Variants in TMEM138 observed in about 807,000 individuals in gnomAD.
TMEM138 encodes the protein transmembrane protein 138.
A neutral mutation model predicts 18.1 loss-of-function variants in TMEM138; 9 were observed. The observed-to-expected ratio is 0.50, with a 90% confidence interval of 0.30 to 0.87. The LOEUF (loss-of-function observed/expected upper bound fraction) is 0.87. Among genes scored for constraint, TMEM138 ranks in the 40% least tolerant of loss-of-function variants. The pLI is 0.06. For missense variants in TMEM138, 189 were observed against 190.6 expected (o/e 0.99, Z 0.05); for synonymous variants, 79 against 74.8 (o/e 1.06, Z -0.29).
downstream of TMEM138, among the ~76,000 whole-genome samples, chr11:61,372,040 G>A (rs982647118): frequency 6.6e-6 from 1 of 152,010 alleles, no homozygotes. Flanking sequence ...GGCAGGTGTG[G>A]TGGCACATGC....
At chr11:61,364,042 T>C (rs766194591) in intron 1 of TMEM138, 4 of 181,166 alleles carry the variant, frequency 2.2e-5, no homozygotes, top group Non-Finnish European at 4.6e-5. Context: ...TTCCTTTGGT[T>C]AGAGACAGCT....
chr11:61,363,598 T>G (rs1190318580), intron 1 of TMEM138: 1 of 152,224 alleles, frequency 6.6e-6, no homozygotes, highest in African/African-American at 2.4e-5. Flanking sequence ...ACCATAACCC[T>G]AAAGATAAAG....
intron 4 of TMEM138, 74 bp downstream of exon 4, chr11:61,368,072 C>T: frequency 9.8e-7 from 1 of 1,016,670 alleles, no homozygotes; most frequent in Non-Finnish European, 1.6e-6. Flanking sequence ...TTGATGCTGG[C>T]TTCCCAGACC....
At chr11:61,370,478 T>C (rs984314342), downstream of TMEM138, among the ~76,000 whole-genome samples, 6 of 152,070 alleles carry the variant, frequency 3.9e-5, no homozygotes, top group African/African-American at 1.4e-4. Flanking sequence ...GGTAGAGGGG[T>C]GGGTTTTGTG....
Position 61,368,771 on chromosome 11 carries a change from G to A in TMEM138, c.*62G>A. ...TAGAAGCCACATTTGCTGCTTTGCA[G>A]GGAGAGTTGGCCCTATGCATGGGCA... On this transcript the variant is annotated 3_prime_UTR_variant, in exon 5 of 5. Coordinates refer to ENST00000278826, the MANE Select transcript of TMEM138 (RefSeq NM_016464.5). 1 of 1,348,894 alleles carries A rather than the reference G, an allele frequency of 7.4e-7. No homozygotes were observed. The allele number at this position is 1,348,894 out of a possible 1,614,324, so 83.6% of individuals were successfully genotyped here. A position where few individuals can be genotyped will look rare whatever the true frequency, so the allele number is the denominator to read the frequency against.
Position 61,364,369 on chromosome 11 carries a change from G to A in TMEM138, c.-22G>A, listed in dbSNP as rs764140781. 1.2e-6 allele frequency: 2 copies of A among 1,613,030 alleles called. No individual in the cohort carries two copies. Among genetic ancestry groups the A allele is most frequent in the East Asian group, 2.2e-5 (1 of 44,850 alleles). On this transcript the variant is annotated 5_prime_UTR_variant, in exon 2 of 5. Transcript: ENST00000278826. ...GGGAACTGTGGGATGTGCCCTTGGG[G>A]GCCCGAGAAAACAGAAGGAAGATGC...
At position 61,364,242 on chromosome 11, in the gene TMEM138, G is replaced by GCTCCAACAGGTGCTTGCCTTA. The variant is rs1858054214; in HGVS notation, c.-139-9_-128dup. On this transcript the variant is annotated splice_polypyrimidine_tract_variant and intron_variant, in intron 1 of 4. Coordinates refer to ENST00000278826, the MANE Select transcript of TMEM138 (RefSeq NM_016464.5). ...CATTTCTAACCTTGCTTATCTTTTT[G>GCTCCAACAGGTGCTTGCCTTA]CTCCAACAGGTGCTTGCCTTAGAGC... 1.2e-6 allele frequency: 1 copy of GCTCCAACAGGTGCTTGCCTTA among 860,646 alleles called. No individual in the cohort carries two copies. Among genetic ancestry groups the GCTCCAACAGGTGCTTGCCTTA allele is most frequent in the South Asian group, 1.9e-5 (1 of 53,198 alleles). The allele number at this position is 860,646 out of a possible 1,614,324, so 53.3% of individuals were successfully genotyped here.
At chr11:61,375,808 T>TGGCCCCATACCTTTG (rs1858427675), downstream of TMEM138, among the ~76,000 whole-genome samples, 3 of 152,188 alleles carry the variant, frequency 2.0e-5, no homozygotes, top group Admixed American at 6.5e-5. Flanking sequence ...TTGGAAAAAC[T>TGGCCCCATACCTTTG]GGCCCCATAC....
downstream of TMEM138, among the ~76,000 whole-genome samples, chr11:61,375,468 A>G (rs1858423612): frequency 1.3e-5 from 2 of 151,748 alleles, no homozygotes; most frequent in South Asian, 4.2e-4. Context: ...GACTACAGGC[A>G]TGCGCCACCA....
chr11:61,362,578 G>C (rs544917868), intron 1 of TMEM138, 158 bp downstream of exon 1: 15 of 152,338 alleles, frequency 9.8e-5, no homozygotes, highest in African/African-American at 3.6e-4. Context: ...TAGGTACAAA[G>C]GGAAGGCGGC....
In TMEM138 at chr11:61,364,533, G is replaced by A. The variant is rs886048408; in HGVS notation, c.128+15G>A. On this transcript the variant is annotated intron_variant, in intron 2 of 4. Coordinates refer to ENST00000278826, the MANE Select transcript of TMEM138 (RefSeq NM_016464.5). The stretch of plus-strand genomic sequence containing the variant: ...GTGCTCTTCATGTGCGTGCAGTAAG[G>A]CACTCTGGAAAGCTGAACCCACGCA... 1 of 1,613,692 alleles carries A rather than the reference G, an allele frequency of 6.2e-7. No individual in the cohort carries two copies.
downstream of TMEM138, among the ~76,000 whole-genome samples, chr11:61,371,097 C>T (rs145057454): frequency 8.7e-3 from 1,320 of 152,264 alleles, 19 homozygotes; most frequent in South Asian, 0.026. Context: ...TGCAGTGGTG[C>T]GATCTCAGCT....
At chr11:61,372,446 C>T (rs1173812521), downstream of TMEM138, among the ~76,000 whole-genome samples, 7 of 145,898 alleles carry the variant, frequency 4.8e-5, no homozygotes, top group Admixed American at 1.4e-4. Flanking sequence ...GGATTGCAGG[C>T]GTGCACCACC....
In TMEM138 at chr11:61,366,174, T is replaced by A; in HGVS notation, c.258T>A (p.Ala86=). 6.2e-7 allele frequency: 1 copy of A among 1,614,212 alleles called. No homozygotes were observed. The highest frequency in any genetic ancestry group is 8.5e-7 in the Non-Finnish European group (1 of 1,180,030). The part of the protein sequence containing the change: ...HKFKGTIILT[A]VYFALSISLH... ...TCAAAGGGACCATCATCCTGACAGC[T>A]GTGTACTTTGCCCTCAGCATCTCCC... The change falls in exon 3 of 5, where the codon GCT becomes GCA. Residue 86 remains alanine, a synonymous_variant. Coordinates refer to ENST00000278826, the MANE Select transcript of TMEM138 (RefSeq NM_016464.5).
chr11:61,371,963 G>A (rs1858353904), downstream of TMEM138, among the ~76,000 whole-genome samples: 1 of 152,120 alleles, frequency 6.6e-6, no homozygotes, highest in Admixed American at 6.6e-5. Flanking sequence ...GGATCACGAG[G>A]TCAAGAGTTC....
intron 2 of TMEM138, 38 bp downstream of exon 2, chr11:61,364,556 G>A (rs377412724): frequency 1.3e-5 from 21 of 1,611,848 alleles, no homozygotes; most frequent in African/African-American, 5.3e-5. Flanking sequence ...CTGAACCCAC[G>A]CAATTCAAAG....
chr11:61,372,687 G>C (rs1378008783), downstream of TMEM138, among the ~76,000 whole-genome samples: 1 of 152,044 alleles, frequency 6.6e-6, no homozygotes, highest in African/African-American at 2.4e-5. Context: ...TCGGGAGGCT[G>C]AGGCAGAAGA....
In TMEM138 at chr11:61,364,272, G is replaced by C; in HGVS notation, c.-119G>C. The C allele has an allele frequency of 7.8e-7, 1 of 1,287,104 alleles. No individual in the cohort carries two copies. The highest frequency in any genetic ancestry group is 1.1e-6 in the Non-Finnish European group (1 of 930,478). The allele number at this position is 1,287,104 out of a possible 1,614,324, so 79.7% of individuals were successfully genotyped here. A position where few individuals can be genotyped will look rare whatever the true frequency, so the allele number is the denominator to read the frequency against. The stretch of plus-strand genomic sequence containing the variant: ...AACAGGTGCTTGCCTTAGAGCAAGG[G>C]AAACAGCTCTCATTCAAAGGAACTA... On this transcript the variant is annotated 5_prime_UTR_variant, in exon 2 of 5. Transcript: ENST00000278826.
chr11:61,374,138 C>G (rs1858403295), downstream of TMEM138, among the ~76,000 whole-genome samples: 1 of 148,728 alleles, frequency 6.7e-6, no homozygotes, highest in Admixed American at 6.7e-5. Flanking sequence ...CCACTGCGCC[C>G]AGTCCTTTTT....
Sources: allele counts gnomAD v4.1 joint callset (sites outside exome capture counted in the v4.1 genomes callset), GRCh38; gene constraint gnomAD v4.1.1; transcripts MANE v1.5; gene names NCBI Gene and HGNC (gene_info 2026-07-23, HGNC 2026-07-21).